MAPKAPK2: variants seen among roughly 807,000 people sequenced by gnomAD.
MAPKAPK2 encodes the protein MAP kinase-activated protein kinase 2.
MAPKAPK2 carries 9 observed loss-of-function variants against 48.8 expected under a neutral mutation model. The ratio of observed to expected loss-of-function variants is 0.18; its 90% CI spans 0.11 to 0.32. The LOEUF is 0.32. Among genes scored for constraint, MAPKAPK2 ranks in the 10% least tolerant of loss-of-function variants. The pLI is 1.00. For missense variants in MAPKAPK2, 331 were observed against 498.3 expected, an observed-to-expected ratio of 0.66 and a Z score of 3.20; for synonymous variants, 202 against 190.6, an observed-to-expected ratio of 1.06 and a Z score of -0.49.
At chr1:206,690,773 C>T (rs1553426139) in intron 1 of MAPKAPK2, among the ~76,000 whole-genome samples, 1 of 152,292 alleles carries the variant, frequency 6.6e-6, no homozygotes, top group East Asian at 1.9e-4. Flanking sequence ...AGGGCACAGT[C>T]GTCTGCATCT....
chr1:206,685,297 C>T lies in MAPKAPK2; in HGVS notation c.68C>T (p.Pro23Leu). ...PFPAPAPPPQ[P>L]PTPALPHPPA... The stretch of plus-strand genomic sequence containing the variant: ...CCCGCCCCGGCCCCGCCGCCGCAGC[C>T]CCCCACCCCTGCCCTGCCGCACCCC... Residue 23 changes from proline (P) to leucine (L), a missense_variant, in exon 1 of 10, where the codon CCC (proline) becomes CTC (leucine). This residue lies in a region of MAPKAPK2 where 93 missense variants were observed against 81.0 expected (regional missense o/e 1.15). Coordinates refer to ENST00000367103, the MANE Select transcript of MAPKAPK2 (RefSeq NM_032960.4). The T allele has an allele frequency of 3.5e-6, 2 of 564,672 alleles. No individual in the cohort carries two copies. Among genetic ancestry groups the T allele is most frequent in the East Asian group, 5.0e-5 (1 of 20,052 alleles). 35.0% of individuals were successfully genotyped at this position (564,672 alleles called of 1,614,324 possible).
chr1:206,707,071 A>G (rs1672984709), intron 1 of MAPKAPK2, among the ~76,000 whole-genome samples: 1 of 152,094 alleles, frequency 6.6e-6, no homozygotes, highest in African/African-American at 2.4e-5. Context: ...TCTCTCTCCC[A>G]CAGGTCTTCT....
At chr1:206,729,260 C>T (rs1463431737) in intron 3 of MAPKAPK2, 136 bp from the exon 4 acceptor site, 37 of 1,096,066 alleles carry the variant, frequency 3.4e-5, no homozygotes, top group Non-Finnish European at 5.2e-5. Context: ...CTCCTGGTGG[C>T]TTTGTTTCTG....
intron 1 of MAPKAPK2, among the ~76,000 whole-genome samples, chr1:206,685,976 T>G (rs1448939907): frequency 7.2e-5 from 11 of 152,178 alleles, no homozygotes; most frequent in Non-Finnish European, 1.5e-4. Context: ...AGAGGTTTAT[T>G]TAGCCTCGCT....
intron 1 of MAPKAPK2, among the ~76,000 whole-genome samples, chr1:206,726,489 G>T (rs1450679147): frequency 1.3e-5 from 2 of 152,236 alleles, no homozygotes; most frequent in Non-Finnish European, 2.9e-5. Flanking sequence ...TGGGAACCTT[G>T]CCTCCTGCAA....
rs146239192 is a variant in MAPKAPK2, at chr1:206,710,896, C to G, written c.280-17814C>G. On this transcript the variant is annotated intron_variant, in intron 1 of 9. Coordinates refer to ENST00000367103, the MANE Select transcript of MAPKAPK2 (RefSeq NM_032960.4). The stretch of plus-strand genomic sequence containing the variant: ...TTTACAAAGCAATAAAACACTCATT[C>G]TCAGTGACTCTAATGTTTTAGAGTA... Among the ~76,000 whole-genome samples the G allele has an allele frequency of 5.0e-4, 76 of 152,330 alleles. 1 individual carries two copies. The highest frequency in any genetic ancestry group is 1.7e-3 in the African/African-American group (69 of 41,554).
At chr1:206,727,621 CA>C (rs1553431957) in intron 1 of MAPKAPK2, among the ~76,000 whole-genome samples, 2 of 151,870 alleles carry the variant, frequency 1.3e-5, no homozygotes, top group African/African-American at 4.8e-5. Flanking sequence ...AGCCTCTTAG[CA>C]GATTTCTTTT....
intron 1 of MAPKAPK2, among the ~76,000 whole-genome samples, chr1:206,701,819 A>T (rs1410080771): frequency 7.3e-6 from 1 of 136,194 alleles, no homozygotes; most frequent in African/African-American, 2.7e-5. Context: ...CAACAGAATG[A>T]GACCCTGTCT....
At chr1:206,728,619 A>G (rs1313984483) in intron 1 of MAPKAPK2, 91 bp from the exon 2 acceptor site, 10 of 1,445,002 alleles carry the variant, frequency 6.9e-6, no homozygotes, top group Non-Finnish European at 9.4e-6. Flanking sequence ...GGTTTGTGGT[A>G]TGTCGGTGGC....
At chr1:206,692,713 C>T (rs188488089) in intron 1 of MAPKAPK2, among the ~76,000 whole-genome samples, 2 of 152,216 alleles carry the variant, frequency 1.3e-5, no homozygotes, top group Non-Finnish European at 2.9e-5. Flanking sequence ...ACCAGCCAAG[C>T]TGTGCGCTCA....
chr1:206,699,513 G>C (rs909353941), intron 1 of MAPKAPK2, among the ~76,000 whole-genome samples: 1 of 152,192 alleles, frequency 6.6e-6, no homozygotes, highest in Non-Finnish European at 1.5e-5. Context: ...GAGAGATGCT[G>C]CCTCTCCAGG....
chr1:206,686,512 T>C (rs1422824986), intron 1 of MAPKAPK2, among the ~76,000 whole-genome samples: 1 of 152,210 alleles, frequency 6.6e-6, no homozygotes, highest in Non-Finnish European at 1.5e-5. Flanking sequence ...AACAAGGTTT[T>C]CCTCTCACAG....
In MAPKAPK2 at chr1:206,718,456, C is replaced by T. The variant is rs564601130; in HGVS notation, c.280-10254C>T. 2.2e-4 allele frequency among the ~76,000 whole-genome samples: 32 copies of T among 147,188 alleles called. 1 individual carries two copies. The South Asian group carries it at 6.6e-3, about 30-fold the overall frequency. Reference sequence around the variant, plus strand: ...CTGAGGCAGGAGAATGACGTGAACCCGGGAGGCAGAGCTTGCAGTGAGCCA... The same window carrying T: ...CTGAGGCAGGAGAATGACGTGAACCTGGGAGGCAGAGCTTGCAGTGAGCCA... On this transcript the variant is annotated intron_variant, in intron 1 of 9. Transcript: ENST00000367103.
In MAPKAPK2 at chr1:206,732,092, G is replaced by A. The variant is rs1553432823; in HGVS notation, c.1059+173G>A. On this transcript the variant is annotated intron_variant, in intron 9 of 9. Coordinates refer to ENST00000367103, the MANE Select transcript of MAPKAPK2 (RefSeq NM_032960.4). The surrounding 1 kb of genome is among the most constrained non-coding windows in gnomAD (Gnocchi z 4.4). The stretch of plus-strand genomic sequence containing the variant: ...GGCCACTTGGCTGACCAGGTTGTGA[G>A]CAGAGGATTCTGTGTTCCTGTCCAA... 4 of 1,614,104 alleles carry A rather than the reference G, an allele frequency of 2.5e-6. No homozygotes were observed. Among genetic ancestry groups the A allele is most frequent in the African/African-American group, 2.7e-5 (2 of 74,930 alleles).
rs550751494 is a variant in MAPKAPK2 at position 206,733,034 on chromosome 1, A to G, written c.*316A>G. 5.3e-4 allele frequency: 161 copies of G among 304,328 alleles called. No individual in the cohort carries two copies. The highest frequency in any genetic ancestry group is 3.4e-3 in the African/African-American group (158 of 46,744). The allele number at this position is 304,328 out of a possible 1,614,324, so 18.9% of individuals were successfully genotyped here. ...TGTCCTTGCCCCACTCCTCTCCACC[A>G]GACGCCTTCCTCTCTGGATACTGCA... On this transcript the variant is annotated 3_prime_UTR_variant, in exon 10 of 10. Transcript: ENST00000367103.
rs1358658423 is a variant in MAPKAPK2, at chr1:206,685,271, C to T, written c.42C>T (p.Phe14=). Residue 14 remains phenylalanine (F), a synonymous_variant, in exon 1 of 10, where the codon TTC becomes TTT. Transcript: ENST00000367103. ...NSQGQSPPVP[F]PAPAPPPQPP... ...AGGGCCAGAGCCCGCCGGTGCCGTT[C>T]CCCGCCCCGGCCCCGCCGCCGCAGC... is the stretch of plus-strand genomic sequence containing the variant. 2.8e-5 allele frequency: 14 copies of T among 495,724 alleles called. No homozygotes were observed. Among genetic ancestry groups the T allele is most frequent in the Non-Finnish European group, 3.8e-5 (12 of 315,328 alleles). 30.7% of individuals were successfully genotyped at this position (495,724 alleles called of 1,614,324 possible).
chr1:206,730,990 T>A, intron 6 of MAPKAPK2, 148 bp from the exon 7 acceptor site: 1 of 1,229,662 alleles, frequency 8.1e-7, no homozygotes, highest in East Asian at 2.3e-5. Context: ...GCCCCGGGCT[T>A]GACTTTGTAT....
chr1:206,710,883 T>G (rs1260817612), intron 1 of MAPKAPK2, among the ~76,000 whole-genome samples: 1 of 152,240 alleles, frequency 6.6e-6, no homozygotes, highest in East Asian at 1.9e-4. Flanking sequence ...TACAAAGCAA[T>G]AAAACACTCA....
intron 1 of MAPKAPK2, among the ~76,000 whole-genome samples, chr1:206,702,270 G>A (rs936236802): frequency 8.5e-5 from 13 of 152,196 alleles, no homozygotes; most frequent in Non-Finnish European, 1.6e-4. Flanking sequence ...TCGCAGAACC[G>A]TCATCTTCAT....
Sources: gnomAD v4.1 joint callset for allele counts (sites outside exome capture counted in the v4.1 genomes callset) on GRCh38, gnomAD v4.1.1 for gene constraint, gnomAD v4.1.1 regional missense constraint, Gnocchi (gnomAD v3.1) non-coding constraint, MANE v1.5 for transcripts, NCBI Gene and HGNC (gene_info 2026-07-23, HGNC 2026-07-21) for gene names.